The following ITPRID1 variants were observed in gnomAD, a reference collection of about 807,000 sequenced individuals.
ITPRID1 encodes the protein ITPR interacting domain containing 1.
ITPRID1 carries 96 observed loss-of-function variants against 95.4 expected under a neutral mutation model. That is an observed-to-expected ratio of 1.01 (90% CI 0.85 to 1.19). The LOEUF (loss-of-function observed/expected upper bound fraction) is 1.19. Among genes scored for constraint, ITPRID1 ranks in the 50% most tolerant of loss-of-function variants. The pLI is 0.00. For missense variants in ITPRID1, 1,339 were observed against 1,252.9 expected (o/e 1.07, Z -1.04); for synonymous variants, 510 against 453.6 (o/e 1.12, Z -1.58).
intron 10 of ITPRID1, among the ~76,000 whole-genome samples, chr7:31,638,632 G>A (rs1390712989): frequency 1.3e-5 from 2 of 152,104 alleles, no homozygotes; most frequent in Non-Finnish European, 2.9e-5. Context: ...TTACTCAACT[G>A]TCTTCTTACT....
At chr7:31,548,613 G>T (rs1478739629) in intron 1 of ITPRID1, among the ~76,000 whole-genome samples, 1 of 152,024 alleles carries the variant, frequency 6.6e-6, no homozygotes, top group East Asian at 1.9e-4. Flanking sequence ...CTCCAGGAAG[G>T]GTGGAAGATT....
At chr7:31,625,085 A>C (rs931484949) in intron 10 of ITPRID1, among the ~76,000 whole-genome samples, 2 of 152,314 alleles carry the variant, frequency 1.3e-5, no homozygotes, top group African/African-American at 4.8e-5. Context: ...ATCATCTCAC[A>C]CCAGTTAGAA....
chr7:31,643,730 C>T lies in ITPRID1; in HGVS notation c.2360C>T (p.Ser787Leu). 6.2e-7 allele frequency: 1 copy of T among 1,614,034 alleles called. No homozygotes were observed. ...CTCACCAAATCCGTCTCTCTAGACT[C>T]AGGCTTCTCTAGTATCTGCCCAATG... Reference protein sequence around the residue: ...QPLTKSVSLDSGFSSICPMGT... With the variant: ...QPLTKSVSLDLGFSSICPMGT... The change falls in exon 12 of 15, where the codon TCA becomes TTA. Residue 787 changes from serine (S) to leucine (L), a missense_variant. Ser to Leu is a moderately radical substitution (Grantham distance 145, BLOSUM62 -2). Transcript: ENST00000615280.
At chr7:31,648,561 A>G (rs1281422473) in intron 12 of ITPRID1, among the ~76,000 whole-genome samples, 2 of 152,168 alleles carry the variant, frequency 1.3e-5, no homozygotes, top group African/African-American at 2.4e-5. Context: ...GTTATTCCCA[A>G]ACCAAAACAC....
chr7:31,530,806 T>C (rs1783572898), intron 1 of ITPRID1, among the ~76,000 whole-genome samples: 1 of 137,984 alleles, frequency 7.2e-6, no homozygotes, highest in African/African-American at 2.6e-5. Context: ...AGTTCATTGT[T>C]TGTTTCATAA....
At chr7:31,539,240 AG>A (rs1385611153) in intron 1 of ITPRID1, among the ~76,000 whole-genome samples, 1 of 152,162 alleles carries the variant, frequency 6.6e-6, no homozygotes, top group African/African-American at 2.4e-5. Flanking sequence ...GCTGGAGTGC[AG>A]TGGTGCCATC....
intron 1 of ITPRID1, among the ~76,000 whole-genome samples, chr7:31,539,566 A>G (rs1783866076): frequency 6.6e-6 from 1 of 152,202 alleles, no homozygotes; most frequent in Non-Finnish European, 1.5e-5. Context: ...TTTCATAAGA[A>G]ACCACCAAAC....
intron 10 of ITPRID1, among the ~76,000 whole-genome samples, chr7:31,612,947 T>TAAAC (rs371422847): frequency 4.3e-4 from 65 of 152,324 alleles, no homozygotes; most frequent in South Asian, 1.2e-3. Flanking sequence ...GCTATAATAT[T>TAAAC]AAACAATTAC....
chr7:31,597,884 T>A (rs1005424975), intron 10 of ITPRID1, among the ~76,000 whole-genome samples: 1 of 152,078 alleles, frequency 6.6e-6, no homozygotes, highest in African/African-American at 2.4e-5. Context: ...ACTTATTATA[T>A]AGAAATTGTA....
chr7:31,554,603 G>T, intron 4 of ITPRID1, 80 bp downstream of exon 4: 2 of 1,553,608 alleles, frequency 1.3e-6, no homozygotes, highest in South Asian at 1.2e-5. Context: ...CTCTGCCTGG[G>T]CAAGGTCGGG....
chr7:31,628,743 A>T (rs1788721738), intron 10 of ITPRID1, among the ~76,000 whole-genome samples: 3 of 152,158 alleles, frequency 2.0e-5, no homozygotes, highest in Admixed American at 1.3e-4. Flanking sequence ...GGCTTGAGCC[A>T]CCGCGCCCGG....
chr7:31,632,575 G>T (rs1413821206), intron 10 of ITPRID1, among the ~76,000 whole-genome samples: 1 of 152,170 alleles, frequency 6.6e-6, no homozygotes, highest in African/African-American at 2.4e-5. Context: ...TTTATTTATT[G>T]ATTTCAAAAT....
At chr7:31,552,968 C>A (rs748220982) in intron 2 of ITPRID1, 34 bp from the exon 3 acceptor site, 2 of 1,561,090 alleles carry the variant, frequency 1.3e-6, no homozygotes, top group Non-Finnish European at 1.7e-6. Flanking sequence ...CTGAACTCAT[C>A]GTGTCTGATT....
chr7:31,589,929 T>C (rs983452836), intron 10 of ITPRID1, among the ~76,000 whole-genome samples: 2 of 152,150 alleles, frequency 1.3e-5, no homozygotes, highest in Non-Finnish European at 2.9e-5. Flanking sequence ...ACAAGATTTC[T>C]ACATTTTACA....
chr7:31,596,868 T>TA (rs914732011), intron 10 of ITPRID1, among the ~76,000 whole-genome samples: 2 of 151,792 alleles, frequency 1.3e-5, no homozygotes, highest in African/African-American at 2.4e-5. Context: ...TTAAAAAACT[T>TA]AAAATTTTAA....
chr7:31,645,977 A>G lies in ITPRID1; in HGVS notation c.2583+2024A>G, dbSNP rs549503306. Among the ~76,000 whole-genome samples the G allele has an allele frequency of 2.6e-5, 4 of 152,292 alleles. No individual in the cohort carries two copies. In the East Asian group the frequency reaches 7.7e-4, roughly 29 times the overall value. On this transcript the variant is annotated intron_variant, in intron 12 of 14. Transcript: ENST00000615280. The stretch of plus-strand genomic sequence containing the variant: ...ATGAAAGATAGCTGGAGAAGGTGAC[A>G]TTTTGAGAGGCCGTATGGGGGAAAA...
At position 31,643,921 on chromosome 7, in the gene ITPRID1, C is replaced by T. The variant is rs763107798; in HGVS notation, c.2551C>T (p.Leu851Phe). The change falls in exon 12 of 15, where the codon CTT becomes TTT. Residue 851 changes from leucine (L) to phenylalanine (F), a missense_variant. Leu to Phe is a conservative substitution (Grantham distance 22, BLOSUM62 0). Coordinates refer to ENST00000615280, the MANE Select transcript of ITPRID1 (RefSeq NM_001257967.3). The stretch of plus-strand genomic sequence containing the variant: ...CCAGTTCATGACGACTTTGAAAGCC[C>T]TTCAGGACACTACAGTGAGGGAGCT... Reference protein sequence around the residue: ...EAQFMTTLKALQDTTVRELCS... With the variant: ...EAQFMTTLKAFQDTTVRELCS... 1.9e-5 allele frequency: 31 copies of T among 1,613,316 alleles called. No homozygotes were observed. Among genetic ancestry groups the T allele is most frequent in the Admixed American group, 1.7e-4 (10 of 59,980 alleles).
In ITPRID1 at chr7:31,594,946, TATTA is replaced by T. The variant is rs570748561; in HGVS notation, c.1228+11766_1228+11769del. Among the ~76,000 whole-genome samples the T allele has an allele frequency of 2.3e-3, 354 of 152,118 alleles. 2 individuals are homozygous for T. Among genetic ancestry groups the T allele is most frequent in the African/African-American group, 7.2e-3 (301 of 41,520 alleles). On this transcript the variant is annotated intron_variant, in intron 10 of 14. Transcript: ENST00000615280. ...AAAATAATACAAGAGGATAAAAATATATTAATTAATTAATAACATGTACTCAATA... is the reference window on the plus strand; with the variant it reads ...AAAATAATACAAGAGGATAAAAATATATTAATTAATAACATGTACTCAATA...
chr7:31,634,557 T>C (rs111739318), intron 10 of ITPRID1, among the ~76,000 whole-genome samples: 1 of 152,108 alleles, frequency 6.6e-6, no homozygotes, highest in African/African-American at 2.4e-5. Flanking sequence ...CAGACTCCAG[T>C]AGAGCAGGCT....
Sources: gnomAD v4.1 joint callset for allele counts (sites outside exome capture counted in the v4.1 genomes callset) on GRCh38, gnomAD v4.1.1 for gene constraint, MANE v1.5 for transcripts, NCBI Gene and HGNC (gene_info 2026-07-23, HGNC 2026-07-21) for gene names.